Variants in WDR72 observed in about 807,000 individuals in gnomAD.
WDR72 encodes the protein WD repeat domain 72.
WDR72 carries 120 observed loss-of-function variants against 124.2 expected under a neutral mutation model. That is an observed-to-expected ratio of 0.97 (90% CI 0.83 to 1.12). WDR72 has a LOEUF of 1.12. WDR72 is among the 50% of genes most tolerant of loss of function. The pLI is 0.00. For missense variants in WDR72, 1,387 were observed against 1,278.8 expected (o/e 1.08, Z -1.29); for synonymous variants, 452 against 441.7 (o/e 1.02, Z -0.29).
At chr15:53,706,364 A>ATATATATGTGTGTG (rs1555426246) in intron 9 of WDR72, among the ~76,000 whole-genome samples, 27 of 47,612 alleles carry the variant, frequency 5.7e-4, no homozygotes, top group African/African-American at 2.2e-3. Flanking sequence ...ATATATATAT[A>ATATATATGTGTGTG]TATATATATA....
intron 18 of WDR72, among the ~76,000 whole-genome samples, chr15:53,596,241 CAT>C (rs1331563521): frequency 1.1e-4 from 16 of 152,024 alleles, no homozygotes; most frequent in African/African-American, 3.9e-4. Context: ...TATTTAATCA[CAT>C]GATAAATTAA....
At chr15:53,760,991 G>T (rs1322144784), upstream of WDR72, among the ~76,000 whole-genome samples, 2 of 152,034 alleles carry the variant, frequency 1.3e-5, no homozygotes, top group African/African-American at 4.8e-5. Context: ...GCTCATGGTG[G>T]TGTGTGCCTG....
At chr15:53,565,780 G>C (rs1257747386) in intron 18 of WDR72, among the ~76,000 whole-genome samples, 1 of 148,720 alleles carries the variant, frequency 6.7e-6, no homozygotes, top group Non-Finnish European at 1.5e-5. Flanking sequence ...AAAAAAAACA[G>C]AATTTTTGAG....
intron 2 of WDR72, among the ~76,000 whole-genome samples, chr15:53,725,450 A>G (rs1014422971): frequency 6.6e-6 from 1 of 152,256 alleles, no homozygotes; most frequent in South Asian, 2.1e-4. Flanking sequence ...AATCATGCTC[A>G]TTGATATTTA....
chr15:53,706,350 G>GTGTATATATA (rs1431924015), intron 9 of WDR72, among the ~76,000 whole-genome samples: 1 of 25,762 alleles, frequency 3.9e-5, no homozygotes, highest in African/African-American at 1.4e-4. Context: ...GTGTGTGTGT[G>GTGTATATATA]TATATATATA....
In WDR72 at chr15:53,527,725, C is replaced by G. The variant is rs534240447; in HGVS notation, c.3149-4403G>C. 4.6e-5 allele frequency among the ~76,000 whole-genome samples: 7 copies of G among 152,040 alleles called. No homozygotes were observed. The South Asian group carries it at 1.0e-3, about 23-fold the overall frequency. ...AGAATAAACCACTGCAGTACCAGACCAAAGCCAAACAAAAATCTTAATTAC... is the reference window on the plus strand; with the variant it reads ...AGAATAAACCACTGCAGTACCAGACGAAAGCCAAACAAAAATCTTAATTAC... On this transcript the variant is annotated intron_variant, in intron 18 of 19. Coordinates refer to ENST00000360509, the MANE Select transcript of WDR72 (RefSeq NM_182758.4).
chr15:53,556,198 A>C (rs540831037), intron 18 of WDR72, among the ~76,000 whole-genome samples: 4 of 152,150 alleles, frequency 2.6e-5, no homozygotes, highest in Non-Finnish European at 5.9e-5. Context: ...CCTTGGAGAA[A>C]ATATTTTACC....
chr15:53,640,203 C>G (rs1413614202), intron 14 of WDR72, among the ~76,000 whole-genome samples: 2 of 152,178 alleles, frequency 1.3e-5, no homozygotes, highest in African/African-American at 4.8e-5. Flanking sequence ...ACTTAAGAAA[C>G]TGTCGCCTAA....
intron 1 of WDR72, among the ~76,000 whole-genome samples, chr15:53,750,440 C>G (rs934017381): frequency 6.6e-6 from 1 of 152,102 alleles, no homozygotes; most frequent in African/African-American, 2.4e-5. Flanking sequence ...GACAATGCAC[C>G]GAGTCAACCA....
chr15:53,762,497 A>C (rs112481301), upstream of WDR72, among the ~76,000 whole-genome samples: 2,521 of 152,348 alleles, frequency 0.017, 28 homozygotes, highest in Non-Finnish European at 0.022. Flanking sequence ...AATGTTGTTG[A>C]ATGATGTGCC....
At chr15:53,520,507 G>A (rs574376) in intron 19 of WDR72, among the ~76,000 whole-genome samples, 143,706 of 152,122 alleles carry the variant, frequency 0.94, 68,445 homozygotes, top group East Asian at 1. Context: ...TTTCCATACA[G>A]TGACTAAGGA....
chr15:53,595,697 G>A (rs2012738682), intron 18 of WDR72, among the ~76,000 whole-genome samples: 2 of 152,106 alleles, frequency 1.3e-5, no homozygotes, highest in African/African-American at 4.8e-5. Context: ...CCCTCCATAT[G>A]TGTCAAAAAT....
At chr15:53,667,298 G>A (rs1232019136) in intron 13 of WDR72, among the ~76,000 whole-genome samples, 1 of 152,136 alleles carries the variant, frequency 6.6e-6, no homozygotes, top group Non-Finnish European at 1.5e-5. Context: ...AGGCTACAGT[G>A]AGCCAGGATC....
chr15:53,713,614 C>T (rs2017617704), intron 6 of WDR72, among the ~76,000 whole-genome samples: 1 of 151,196 alleles, frequency 6.6e-6, no homozygotes, highest in Admixed American at 6.6e-5. Flanking sequence ...CCACTCCCTG[C>T]TAAATTTTTT....
chr15:53,691,135 A>G (rs2016825438), intron 13 of WDR72, among the ~76,000 whole-genome samples: 1 of 152,086 alleles, frequency 6.6e-6, no homozygotes, highest in African/African-American at 2.4e-5. Flanking sequence ...CTGCAGCCTC[A>G]ACCTCCCCAG....
chr15:53,676,102 C>G (rs1230964623), intron 13 of WDR72, among the ~76,000 whole-genome samples: 1 of 152,158 alleles, frequency 6.6e-6, no homozygotes, highest in Non-Finnish European at 1.5e-5. Context: ...TTACCACACC[C>G]AGTGACCTCA....
At chr15:53,675,917 C>T (rs928503137) in intron 13 of WDR72, among the ~76,000 whole-genome samples, 8 of 152,118 alleles carry the variant, frequency 5.3e-5, no homozygotes, top group African/African-American at 1.2e-4. Flanking sequence ...AGTACCAAAA[C>T]ATTTTAACTG....
chr15:53,688,902 A>G (rs1428323979), intron 13 of WDR72, among the ~76,000 whole-genome samples: 1 of 152,168 alleles, frequency 6.6e-6, no homozygotes, highest in Non-Finnish European at 1.5e-5. Flanking sequence ...GCCCTCAGAA[A>G]TAACGCCGCA....
Position 53,722,924 on chromosome 15 carries a change from G to A in WDR72, c.154-16C>T. The A allele has an allele frequency of 6.2e-6, 10 of 1,600,876 alleles. No homozygotes were observed. Among genetic ancestry groups the A allele is most frequent in the Non-Finnish European group, 8.6e-6 (10 of 1,168,164 alleles). On this transcript the variant is annotated splice_polypyrimidine_tract_variant and intron_variant, in intron 2 of 19. Transcript: ENST00000360509. ...TCGCTGAAATCTGAAAATAATGAGAGTGAGCTTTTAAATAATTGTAAACTG... is the reference window on the plus strand; with the variant it reads ...TCGCTGAAATCTGAAAATAATGAGAATGAGCTTTTAAATAATTGTAAACTG...
Sources: gnomAD v4.1 joint callset for allele counts (sites outside exome capture counted in the v4.1 genomes callset) on GRCh38, gnomAD v4.1.1 for gene constraint, MANE v1.5 for transcripts, NCBI Gene and HGNC (gene_info 2026-07-23, HGNC 2026-07-21) for gene names.